The following IFI16 variants were observed in gnomAD, a reference collection of about 807,000 sequenced individuals.
IFI16 encodes interferon gamma inducible protein 16.
In IFI16, 49 loss-of-function variants were observed where a neutral mutation model predicts 68.4. The observed-to-expected ratio is 0.72, with a 90% CI of 0.57 to 0.91. The LOEUF is 0.91. Ranked by LOEUF, IFI16 falls within the 40% of genes least tolerant of loss-of-function variation. The pLI is 0.00. For synonymous variants in IFI16, 307 were observed against 315.0 expected, an observed-to-expected ratio of 0.97 and a Z score of 0.27; for missense variants, 878 against 942.9, an observed-to-expected ratio of 0.93 and a Z score of 0.90.
chr1:159,022,530 C>G (rs1653404617), intron 6 of IFI16, among the ~76,000 whole-genome samples: 1 of 152,112 alleles, frequency 6.6e-6, no homozygotes, highest in South Asian at 2.1e-4. Flanking sequence ...TTTGTCCCGA[C>G]TGGCTAGCAC....
chr1:159,010,843 G>A (rs1652505627), intron 1 of IFI16, among the ~76,000 whole-genome samples: 1 of 152,102 alleles, frequency 6.6e-6, no homozygotes, highest in African/African-American at 2.4e-5. Flanking sequence ...TAGGGGAGTG[G>A]AGGGGAAGGC....
chr1:159,037,806 T>C (rs1238370675), intron 7 of IFI16, among the ~76,000 whole-genome samples: 1 of 152,050 alleles, frequency 6.6e-6, no homozygotes, highest in Non-Finnish European at 1.5e-5. Context: ...AATCAGGAGC[T>C]CCCTACAACT....
chr1:159,047,019 T>C (rs951334415), intron 8 of IFI16, among the ~76,000 whole-genome samples: 2 of 151,118 alleles, frequency 1.3e-5, no homozygotes, highest in African/African-American at 4.8e-5. Context: ...GATACCTCTG[T>C]ATGACCTACA....
At chr1:159,007,731 T>A (rs1311877846), upstream of IFI16, among the ~76,000 whole-genome samples, 1 of 152,010 alleles carries the variant, frequency 6.6e-6, no homozygotes, top group Non-Finnish European at 1.5e-5. Context: ...CAACACTAGG[T>A]GAGGACCCTG....
chr1:159,041,383 A>T (rs564343398), intron 7 of IFI16, among the ~76,000 whole-genome samples: 128 of 152,206 alleles, frequency 8.4e-4, no homozygotes, highest in Non-Finnish European at 1.5e-3. Context: ...AGCAAGGGCA[A>T]CATAATCCTG....
chr1:159,024,607 G>A (rs1203292507), intron 6 of IFI16, among the ~76,000 whole-genome samples: 1 of 152,176 alleles, frequency 6.6e-6, no homozygotes. Context: ...TTGGCTGCAG[G>A]TGCTCACAAT....
intron 1 of IFI16, among the ~76,000 whole-genome samples, chr1:159,011,592 TAATA>T (rs771948934): frequency 3.9e-5 from 6 of 151,940 alleles, no homozygotes; most frequent in Admixed American, 1.3e-4. Flanking sequence ...CACTATAAAA[TAATA>T]AATAATATCA....
At chr1:159,034,983 T>C (rs1043763487) in intron 7 of IFI16, among the ~76,000 whole-genome samples, 3 of 152,186 alleles carry the variant, frequency 2.0e-5, no homozygotes, top group Non-Finnish European at 4.4e-5. Flanking sequence ...CGGAAGCCTG[T>C]ACCTGTGGTG....
chr1:159,037,197 A>G (rs2101887188), intron 7 of IFI16, among the ~76,000 whole-genome samples: 1 of 152,304 alleles, frequency 6.6e-6, no homozygotes, highest in Non-Finnish European at 1.5e-5. Context: ...AATTGCCTAA[A>G]TATGTGATAC....
chr1:159,015,829 CT>C, intron 2 of IFI16, 42 bp from the exon 3 acceptor site: 1 of 1,442,328 alleles, frequency 6.9e-7, no homozygotes, highest in African/African-American at 1.4e-5. Context: ...ATATGTCTTC[CT>C]TTTTTCTGCA....
chr1:159,021,420 G>A (rs539096410), intron 6 of IFI16, among the ~76,000 whole-genome samples: 32 of 152,294 alleles, frequency 2.1e-4, no homozygotes, highest in African/African-American at 7.7e-4. Context: ...TGCTGTGAAT[G>A]CCGTTATTTT....
chr1:159,032,444 G>C, intron 6 of IFI16, 80 bp from the exon 7 acceptor site: 1 of 834,826 alleles, frequency 1.2e-6, no homozygotes, highest in South Asian at 2.2e-5. Flanking sequence ...ATCTAATAAA[G>C]GATGATATTC....
Position 159,045,397 on chromosome 1 carries a change from C to T in IFI16, c.1430C>T (p.Pro477Leu). 3 of 1,591,506 alleles carry T rather than the reference C, an allele frequency of 1.9e-6. No individual in the cohort carries two copies. The highest frequency in any genetic ancestry group is 2.6e-6 in the Non-Finnish European group (3 of 1,164,826). ...FPGPFMTSIG[P>L]AESHPHTPQM... ...GGACCGTTCATGACCAGCATAGGCC[C>T]AGCTGAGAGCCATCCCCACACTCCT... The change falls in exon 8 of 12, where the codon CCA (proline) becomes CTA (leucine). Residue 477 changes from proline (P) to leucine (L), a missense_variant. Coordinates refer to ENST00000295809, the MANE Select transcript of IFI16 (RefSeq NM_001376587.1).
Position 159,032,077 on chromosome 1 carries a change from C to T in IFI16, c.1162-447C>T, listed in dbSNP as rs148280762. ...TATGGGAAATCAATGTGCAATAGGT[C>T]CTATTGCTCTTAGCAAGATAAAGAC... On this transcript the variant is annotated intron_variant, in intron 6 of 11. Coordinates refer to ENST00000295809, the MANE Select transcript of IFI16 (RefSeq NM_001376587.1). Among the ~76,000 whole-genome samples the T allele has an allele frequency of 1.9e-3, 282 of 152,254 alleles. 2 individuals carry two copies. Among genetic ancestry groups the T allele is most frequent in the African/African-American group, 5.9e-3 (245 of 41,540 alleles).
chr1:159,026,739 T>A (rs1027278243), intron 6 of IFI16, among the ~76,000 whole-genome samples: 1 of 152,236 alleles, frequency 6.6e-6, no homozygotes, highest in Non-Finnish European at 1.5e-5. Context: ...GTTAGATATA[T>A]TCCTAAGTGT....
At chr1:159,005,124 G>A (rs954555941), upstream of IFI16, among the ~76,000 whole-genome samples, 14 of 152,160 alleles carry the variant, frequency 9.2e-5, no homozygotes, top group African/African-American at 3.1e-4. Flanking sequence ...CGCCCCGTTT[G>A]TCATGTGAGG....
At chr1:159,020,027 C>T (rs920101205) in intron 5 of IFI16, among the ~76,000 whole-genome samples, 5 of 152,200 alleles carry the variant, frequency 3.3e-5, no homozygotes, top group African/African-American at 1.2e-4. Context: ...CCCAGAAAGG[C>T]TATCAGAGAT....
rs75784621 is a variant in IFI16, at chr1:159,023,573, C to T, written c.1161+3044C>T. Among the ~76,000 whole-genome samples the T allele has an allele frequency of 5.9e-5, 9 of 151,940 alleles. No homozygotes were observed. In the East Asian group the frequency reaches 1.5e-3, roughly 26 times the overall value. On this transcript the variant is annotated intron_variant, in intron 6 of 11. Coordinates refer to ENST00000295809, the MANE Select transcript of IFI16 (RefSeq NM_001376587.1). ...CTTAATAGCATTTATGTAAACCTAA[C>T]GTTTAAAGGACTCATGAGGAGTTTC... is the stretch of plus-strand genomic sequence containing the variant.
At chr1:159,030,876 T>TTG (rs60567074) in intron 6 of IFI16, among the ~76,000 whole-genome samples, 22 of 148,582 alleles carry the variant, frequency 1.5e-4, no homozygotes, top group Admixed American at 5.3e-4. Context: ...AGGTGGTGGG[T>TTG]GGGGGGGCCA....
Sources: gnomAD v4.1 joint callset for allele counts (sites outside exome capture counted in the v4.1 genomes callset) on GRCh38, gnomAD v4.1.1 for gene constraint, MANE v1.5 for transcripts, NCBI Gene and HGNC (gene_info 2026-07-23, HGNC 2026-07-21) for gene names.